Variants in SRBD1 observed in about 807,000 individuals in gnomAD.
The protein encoded by SRBD1 is S1 RNA binding domain 1.
In SRBD1, 88 loss-of-function variants were observed where a neutral mutation model predicts 115.3. The observed-to-expected ratio is 0.76, with a 90% CI of 0.64 to 0.91. The LOEUF (loss-of-function observed/expected upper bound fraction) is 0.91. SRBD1 is among the 40% of genes least tolerant of loss of function. SRBD1 has a pLI of 0.00. For missense variants in SRBD1, 1,385 were observed against 1,177.4 expected, an observed-to-expected ratio of 1.18 and a Z score of -2.58; for synonymous variants, 509 against 407.7, an observed-to-expected ratio of 1.25 and a Z score of -2.99.
intron 19 of SRBD1, among the ~76,000 whole-genome samples, chr2:45,404,260 G>A (rs1321680764): frequency 6.6e-6 from 1 of 152,070 alleles, no homozygotes; most frequent in East Asian, 1.9e-4. Context: ...TTCAGATTTA[G>A]GCATATTAGG....
intron 16 of SRBD1, among the ~76,000 whole-genome samples, chr2:45,422,172 G>T (rs1221337729): frequency 2.0e-5 from 3 of 152,186 alleles, no homozygotes; most frequent in Non-Finnish European, 4.4e-5. Flanking sequence ...TAGAATAAGG[G>T]AAACAAGTTG....
chr2:45,494,584 TA>T (rs1394426435), intron 14 of SRBD1, among the ~76,000 whole-genome samples: 2 of 152,184 alleles, frequency 1.3e-5, no homozygotes, highest in Non-Finnish European at 2.9e-5. Context: ...AATGAATGAT[TA>T]AAAAAATCTT....
chr2:45,461,079 T>C (rs533468007), intron 16 of SRBD1, among the ~76,000 whole-genome samples: 40 of 152,186 alleles, frequency 2.6e-4, no homozygotes, highest in Non-Finnish European at 4.3e-4. Flanking sequence ...GTCTTTAAAC[T>C]ACACAAATAA....
intron 16 of SRBD1, among the ~76,000 whole-genome samples, chr2:45,471,557 T>G (rs1669647635): frequency 6.6e-6 from 1 of 152,168 alleles, no homozygotes; most frequent in East Asian, 1.9e-4. Flanking sequence ...AGAAATGCAT[T>G]TTTACAAGTG....
intron 16 of SRBD1, among the ~76,000 whole-genome samples, chr2:45,456,002 T>C (rs1369529554): frequency 6.6e-6 from 1 of 151,782 alleles, no homozygotes; most frequent in East Asian, 1.9e-4. Context: ...ATAAACACTA[T>C]ATGTTTTATA....
At chr2:45,573,061 G>T in intron 9 of SRBD1, 146 bp downstream of exon 9, 1 of 910,790 alleles carries the variant, frequency 1.1e-6, no homozygotes, top group East Asian at 3.0e-5. Flanking sequence ...GAAGCGGCAA[G>T]GATATGACAA....
At chr2:45,506,551 C>T (rs903489345) in intron 14 of SRBD1, among the ~76,000 whole-genome samples, 1 of 152,144 alleles carries the variant, frequency 6.6e-6, no homozygotes, top group Non-Finnish European at 1.5e-5. Flanking sequence ...ATTTGCCATA[C>T]ACTTGTGCCT....
At chr2:45,599,973 G>A in intron 3 of SRBD1, 138 bp from the exon 4 acceptor site, 1 of 1,031,612 alleles carries the variant, frequency 9.7e-7, no homozygotes, top group Non-Finnish European at 1.4e-6. Context: ...TATGTTGAGT[G>A]GGAAAAAAAG....
chr2:45,394,881 G>C (rs1378984132), intron 19 of SRBD1, among the ~76,000 whole-genome samples: 6 of 152,170 alleles, frequency 3.9e-5, no homozygotes, highest in African/African-American at 1.4e-4. Context: ...TTGAAAATGA[G>C]CTTTCATCCA....
chr2:45,574,493 G>T, intron 8 of SRBD1, 134 bp downstream of exon 8: 1 of 718,652 alleles, frequency 1.4e-6, no homozygotes, highest in Non-Finnish European at 2.3e-6. Flanking sequence ...TCTGTTGTTT[G>T]AACAAAGAGT....
rs142452222 is a variant in SRBD1, at chr2:45,467,222, C to T, written c.2049+9771G>A. Among the ~76,000 whole-genome samples the T allele has an allele frequency of 9.2e-3, 1,395 of 152,284 alleles. 22 individuals are homozygous for T. Among genetic ancestry groups the T allele is most frequent in the African/African-American group, 0.031 (1,307 of 41,540 alleles). ...CTAGTGATTCTCCGCCCTGGTTGTA[C>T]ATTTGAATTACATGTGAATTTTAAG... is the stretch of plus-strand genomic sequence containing the variant. On this transcript the variant is annotated intron_variant, in intron 16 of 20. Transcript: ENST00000263736.
chr2:45,515,641 T>C (rs1671096468), intron 14 of SRBD1, among the ~76,000 whole-genome samples: 1 of 152,164 alleles, frequency 6.6e-6, no homozygotes, highest in Non-Finnish European at 1.5e-5. Flanking sequence ...AGGCAGTGAC[T>C]CTACCACCAT....
Position 45,563,206 on chromosome 2 carries a change from T to C in SRBD1, c.1306-450A>G, listed in dbSNP as rs570779857. Among the ~76,000 whole-genome samples the C allele has an allele frequency of 5.9e-5, 9 of 152,282 alleles. No homozygotes were observed. In the South Asian group the frequency reaches 1.9e-3, roughly 32 times the overall value. ...AATTGTAGAGCCTATCTAAGCACTTTAAATATATTATCTCAAGTAATCCTT... is the reference window on the plus strand; with the variant it reads ...AATTGTAGAGCCTATCTAAGCACTTCAAATATATTATCTCAAGTAATCCTT... On this transcript the variant is annotated intron_variant, in intron 9 of 20. Coordinates refer to ENST00000263736, the MANE Select transcript of SRBD1 (RefSeq NM_018079.5).
At chr2:45,475,533 T>G (rs969744593) in intron 16 of SRBD1, among the ~76,000 whole-genome samples, 4 of 152,236 alleles carry the variant, frequency 2.6e-5, no homozygotes, top group Admixed American at 6.5e-5. Context: ...GTCTCCACTA[T>G]TTACTTAAAG....
chr2:45,540,738 A>AAGCAAATGAATGG lies in SRBD1; in HGVS notation c.1874+5993_1874+5994insCCATTCATTTGCT, dbSNP rs1671907650. 2.0e-5 allele frequency among the ~76,000 whole-genome samples: 3 copies of AAGCAAATGAATGG among 152,352 alleles called. No homozygotes were observed. The South Asian group carries it at 6.2e-4, about 32-fold the overall frequency. On this transcript the variant is annotated intron_variant, in intron 14 of 20. Coordinates refer to ENST00000263736, the MANE Select transcript of SRBD1 (RefSeq NM_018079.5). ...GAACAGATACCTCACTAAAGAAGATACATGGATGGCAAATAAGCAAATGAA... is the reference window on the plus strand; with the variant it reads ...GAACAGATACCTCACTAAAGAAGATAAGCAAATGAATGGCATGGATGGCAAATAAGCAAATGAA...
At chr2:45,418,676 TA>T (rs71948671) in intron 17 of SRBD1, 135 bp from the exon 18 acceptor site, 231,633 of 391,694 alleles carry the variant, frequency 0.59, 63,932 homozygotes, top group African/African-American at 0.72. Flanking sequence ...AAAGGGAGTT[TA>T]AAAAAAAAAA....
At chr2:45,610,927 C>CA (rs10535905) in intron 1 of SRBD1, among the ~76,000 whole-genome samples, 8,739 of 134,218 alleles carry the variant, frequency 0.065, 334 homozygotes, top group Non-Finnish European at 0.095. Flanking sequence ...GACTCCGTCT[C>CA]AAAAAAAAAA....
chr2:45,452,476 T>C (rs934287417), intron 16 of SRBD1, among the ~76,000 whole-genome samples: 1 of 151,996 alleles, frequency 6.6e-6, no homozygotes, highest in African/African-American at 2.4e-5. Flanking sequence ...TCAGTACACG[T>C]CTTTAACCTT....
chr2:45,562,839 G>T, intron 9 of SRBD1, 83 bp from the exon 10 acceptor site: 1 of 814,166 alleles, frequency 1.2e-6, no homozygotes, highest in South Asian at 2.1e-5. Context: ...ACAGCTATAT[G>T]AATTTTTTAC....
Sources: gnomAD v4.1 joint callset for allele counts (sites outside exome capture counted in the v4.1 genomes callset) on GRCh38, gnomAD v4.1.1 for gene constraint, MANE v1.5 for transcripts, NCBI Gene and HGNC (gene_info 2026-07-23, HGNC 2026-07-21) for gene names.